MAP2K5: variants seen among roughly 807,000 people sequenced by gnomAD.
MAP2K5 encodes the protein mitogen-activated protein kinase kinase 5, also known as dual specificity mitogen-activated protein kinase kinase 5.
MAP2K5 carries 49 observed loss-of-function variants against 83.1 expected under a neutral mutation model. The ratio of observed to expected loss-of-function variants is 0.59; its 90% confidence interval spans 0.47 to 0.75. MAP2K5 has a LOEUF of 0.75. Among genes scored for constraint, MAP2K5 ranks in the 30% least tolerant of loss-of-function variants. The pLI is 0.00. For synonymous variants in MAP2K5, 202 were observed against 191.8 expected (o/e 1.05, Z -0.44); for missense variants, 457 against 557.5 (o/e 0.82, Z 1.82).
intron 9 of MAP2K5, among the ~76,000 whole-genome samples, chr15:67,634,236 G>T (rs1171484030): frequency 6.6e-6 from 1 of 151,318 alleles, no homozygotes; most frequent in Non-Finnish European, 1.5e-5. Context: ...GGGCATGGTG[G>T]TGTGTGCCTG....
rs957323780 is a variant in MAP2K5 at position 67,676,047 on chromosome 15, G to A, written c.847+11402G>A. ...ATTTGAAGCAGACTGTGTGATCGTT[G>A]TGTGTTTTGGCTCACCAGTCTCTAT... On this transcript the variant is annotated intron_variant, in intron 13 of 21. Transcript: ENST00000178640. The surrounding 1 kb of genome is among the most constrained non-coding windows in gnomAD (Gnocchi z 4.8). 3.3e-5 allele frequency among the ~76,000 whole-genome samples: 5 copies of A among 152,306 alleles called. No individual in the cohort carries two copies. Among genetic ancestry groups the A allele is most frequent in the Middle Eastern group, 3.4e-3 (1 of 294 alleles).
chr15:67,776,938 T>G (rs1566960935), intron 21 of MAP2K5, among the ~76,000 whole-genome samples: 1 of 152,234 alleles, frequency 6.6e-6, no homozygotes, highest in Non-Finnish European at 1.5e-5. Context: ...GGTCTGTGAC[T>G]TTAGGAAGTC....
rs961338400 is a variant in MAP2K5, at chr15:67,636,226, G to A, written c.585+5299G>A. On this transcript the variant is annotated intron_variant, in intron 9 of 21. Transcript: ENST00000178640. The surrounding 1 kb of genome is among the most constrained non-coding windows in gnomAD (Gnocchi z 4.7). The stretch of plus-strand genomic sequence containing the variant: ...AGGAGATCGAGACCATCCTAACACG[G>A]TGAAACCCCATTTCTACTAAAAATA... 6.6e-6 allele frequency among the ~76,000 whole-genome samples: 1 copy of A among 152,134 alleles called. No homozygotes were observed. Among genetic ancestry groups the A allele is most frequent in the African/African-American group, 2.4e-5 (1 of 41,424 alleles).
chr15:67,663,229 A>G (rs1407847681), intron 12 of MAP2K5, among the ~76,000 whole-genome samples: 4 of 152,190 alleles, frequency 2.6e-5, no homozygotes, highest in East Asian at 3.9e-4. Flanking sequence ...ACTGTTATCT[A>G]CTCAACAGCC....
intron 9 of MAP2K5, among the ~76,000 whole-genome samples, chr15:67,639,057 A>G (rs747361916): frequency 1.6e-4 from 24 of 152,210 alleles, no homozygotes; most frequent in Non-Finnish European, 3.1e-4. Flanking sequence ...CATTCTGGAC[A>G]TAGGAGTGGG....
chr15:67,681,314 T>G (rs1239191548), intron 13 of MAP2K5, among the ~76,000 whole-genome samples: 1 of 152,226 alleles, frequency 6.6e-6, no homozygotes, highest in Non-Finnish European at 1.5e-5. Context: ...TTAAGTGAAA[T>G]TGTGTGCTCA....
At position 67,549,083 on chromosome 15, in the gene MAP2K5, G is replaced by A. The variant is rs138765899; in HGVS notation, c.136-951G>A. On this transcript the variant is annotated intron_variant, in intron 1 of 21. Transcript: ENST00000178640. ...AATACTGCGAGCGGCTTTGTCAGCC[G>A]GCTGCCTGGTGCCAGTTCTGCTGCA... The A allele has an allele frequency of 2.4e-3, 3,616 of 1,529,762 alleles. 8 individuals carry two copies. The highest frequency in any genetic ancestry group is 2.9e-3 in the Non-Finnish European group (3,344 of 1,144,202). The allele number at this position is 1,529,762 out of a possible 1,614,324, so 94.8% of individuals were successfully genotyped here. A position where few individuals can be genotyped will look rare whatever the true frequency, so the allele number is the denominator to read the frequency against.
At chr15:67,797,831 C>A (rs560853582) in intron 21 of MAP2K5, among the ~76,000 whole-genome samples, 112 of 152,086 alleles carry the variant, frequency 7.4e-4, no homozygotes, top group Admixed American at 1.7e-3. Flanking sequence ...TACAGGCATG[C>A]GCCACCACAC....
In MAP2K5 at chr15:67,770,955, T is replaced by C. The variant is rs2090130079; in HGVS notation, c.1196+1292T>C. 6.6e-6 allele frequency among the ~76,000 whole-genome samples: 1 copy of C among 152,158 alleles called. No homozygotes were observed. Among genetic ancestry groups the C allele is most frequent in the Non-Finnish European group, 1.5e-5 (1 of 68,024 alleles). ...ATATTGTGTAGCTTTTAAAAACTAT[T>C]TTTACTCTGAAAACATTTTATTTCC... On this transcript the variant is annotated intron_variant, in intron 20 of 21. Transcript: ENST00000178640. The surrounding 1 kb of genome is among the most constrained non-coding windows in gnomAD (Gnocchi z 5.0).
chr15:67,772,026 T>G (rs1165514493), intron 20 of MAP2K5, among the ~76,000 whole-genome samples: 1 of 152,188 alleles, frequency 6.6e-6, no homozygotes, highest in African/African-American at 2.4e-5. Context: ...ATTATATCTA[T>G]TGCATGGAAG....
In MAP2K5 at chr15:67,610,608, G is replaced by T. The variant is rs369934366; in HGVS notation, c.545+9859G>T. ...TTACCGCGTATAACTTTCTGCCACA[G>T]TTTTTTTTTCTTTGCTCTGTCATTG... On this transcript the variant is annotated intron_variant, in intron 8 of 21. Coordinates refer to ENST00000178640, the MANE Select transcript of MAP2K5 (RefSeq NM_145160.3). 7.9e-5 allele frequency among the ~76,000 whole-genome samples: 12 copies of T among 151,406 alleles called. No homozygotes were observed. In the East Asian group the frequency reaches 2.1e-3, roughly 27 times the overall value.
rs2084789019 is a variant in MAP2K5, at chr15:67,563,860, G to C, written c.252+510G>C. On this transcript the variant is annotated intron_variant, in intron 3 of 21. Transcript: ENST00000178640. The surrounding 1 kb of genome is among the most constrained non-coding windows in gnomAD (Gnocchi z 4.5). Reference sequence around the variant, plus strand: ...ACAGGGCTACTTACTGAATCAAAGTGATCTGAATATATTCTGAAACGACTT... The same window carrying C: ...ACAGGGCTACTTACTGAATCAAAGTCATCTGAATATATTCTGAAACGACTT... Among the ~76,000 whole-genome samples the C allele has an allele frequency of 6.6e-6, 1 of 152,052 alleles. No homozygotes were observed. The highest frequency in any genetic ancestry group is 6.5e-5 in the Admixed American group (1 of 15,268).
intron 11 of MAP2K5, 74 bp downstream of exon 11, chr15:67,646,543 T>G: frequency 1.4e-6 from 1 of 734,862 alleles, no homozygotes; most frequent in East Asian, 2.7e-5. Context: ...GGTTTTGATA[T>G]AGATATCAAA....
Position 67,738,736 on chromosome 15 carries a change from A to G in MAP2K5, c.1075-9495A>G, listed in dbSNP as rs986875922. Among the ~76,000 whole-genome samples, 2 of 152,232 alleles carry G rather than the reference A, an allele frequency of 1.3e-5. No homozygotes were observed. Among genetic ancestry groups the G allele is most frequent in the Admixed American group, 6.5e-5 (1 of 15,290 alleles). On this transcript the variant is annotated intron_variant, in intron 17 of 21. Coordinates refer to ENST00000178640, the MANE Select transcript of MAP2K5 (RefSeq NM_145160.3). The surrounding 1 kb of genome is among the most constrained non-coding windows in gnomAD (Gnocchi z 4.1). ...ACGAGCAGCTCTGCTTCTATCTGGTAATTTTTAAATGCATCTAAGTAATAC... is the reference window on the plus strand; with the variant it reads ...ACGAGCAGCTCTGCTTCTATCTGGTGATTTTTAAATGCATCTAAGTAATAC...
chr15:67,802,786 G>A lies in MAP2K5; in HGVS notation c.1243-3860G>A, dbSNP rs1165075832. On this transcript the variant is annotated intron_variant, in intron 21 of 21. Transcript: ENST00000178640. The surrounding 1 kb of genome is among the most constrained non-coding windows in gnomAD (Gnocchi z 5.0). ...GTTCCAGGGAGCTGCACCATGCCGCGCTTCCATTGTTCCTTATAGCCTGAT... is the reference window on the plus strand; with the variant it reads ...GTTCCAGGGAGCTGCACCATGCCGCACTTCCATTGTTCCTTATAGCCTGAT... 2.0e-5 allele frequency among the ~76,000 whole-genome samples: 3 copies of A among 152,192 alleles called. No homozygotes were observed. Among genetic ancestry groups the A allele is most frequent in the African/African-American group, 2.4e-5 (1 of 41,438 alleles).
chr15:67,711,373 T>C (rs975642202), intron 16 of MAP2K5, among the ~76,000 whole-genome samples: 5 of 152,218 alleles, frequency 3.3e-5, no homozygotes, highest in Admixed American at 6.5e-5. Flanking sequence ...AGATCCAGAT[T>C]TGAATTCCAC....
chr15:67,741,630 C>T (rs73427924), intron 17 of MAP2K5, among the ~76,000 whole-genome samples: 10,003 of 152,042 alleles, frequency 0.066, 1,089 homozygotes, highest in African/African-American at 0.22. Context: ...AGTCATCTTC[C>T]CATGGAACAC....
At position 67,624,888 on chromosome 15, in the gene MAP2K5, C is replaced by T. The variant is rs539716185; in HGVS notation, c.546-6000C>T. On this transcript the variant is annotated intron_variant, in intron 8 of 21. Coordinates refer to ENST00000178640, the MANE Select transcript of MAP2K5 (RefSeq NM_145160.3). Reference sequence around the variant, plus strand: ...TCAGGTGATCCACCTGGCTTGGCCTCCCAAAGTGCTGGGATTACAGGCACG... The same window carrying T: ...TCAGGTGATCCACCTGGCTTGGCCTTCCAAAGTGCTGGGATTACAGGCACG... Among the ~76,000 whole-genome samples, 6 of 152,278 alleles carry T rather than the reference C, an allele frequency of 3.9e-5. No homozygotes were observed. In the South Asian group the frequency reaches 1.0e-3, roughly 26 times the overall value.
intron 17 of MAP2K5, among the ~76,000 whole-genome samples, chr15:67,745,835 A>G (rs1239699748): frequency 6.6e-6 from 1 of 152,232 alleles, no homozygotes; most frequent in Non-Finnish European, 1.5e-5. Context: ...AAGTCACTGC[A>G]TTGTGTAACT....
Sources: allele counts gnomAD v4.1 joint callset (sites outside exome capture counted in the v4.1 genomes callset), GRCh38; gene constraint gnomAD v4.1.1; non-coding constraint Gnocchi (gnomAD v3.1); transcripts MANE v1.5; gene names NCBI Gene and HGNC (gene_info 2026-07-23, HGNC 2026-07-21).